The following CD163L1 variants were observed in gnomAD, a reference collection of about 807,000 sequenced individuals.
CD163L1 encodes the protein CD163 molecule like 1.
CD163L1 carries 124 observed loss-of-function variants against 165.4 expected under a neutral mutation model. The ratio of observed to expected loss-of-function variants is 0.75; its 90% confidence interval spans 0.65 to 0.87. CD163L1 has a LOEUF of 0.87. CD163L1 is among the 40% of genes least tolerant of loss of function. The pLI, the probability that CD163L1 is intolerant of heterozygous loss-of-function variation, is 0.00. For synonymous variants in CD163L1, 585 were observed against 662.2 expected (o/e 0.88, Z 1.79); for missense variants, 1,525 against 1,799.9 (o/e 0.85, Z 2.76).
the CD163L1 span, among the ~76,000 whole-genome samples, chr12:7,335,593 C>T: frequency 6.6e-6 from 1 of 152,270 alleles, no homozygotes; most frequent in Non-Finnish European, 1.5e-5. Context: ...AGGACATAGG[C>T]ATGGGCAAGG....
the CD163L1 span, among the ~76,000 whole-genome samples, chr12:7,327,914 C>T: frequency 6.6e-6 from 1 of 152,080 alleles, no homozygotes; most frequent in Non-Finnish European, 1.5e-5. Flanking sequence ...AAATCTTCCT[C>T]AAAACCTCCA....
intron 9 of CD163L1, among the ~76,000 whole-genome samples, chr12:7,376,591 A>T (rs1947276293): frequency 6.6e-6 from 1 of 152,174 alleles, no homozygotes; most frequent in African/African-American, 2.4e-5. Flanking sequence ...CTCAATGTGA[A>T]TTCTTTGGAG....
Position 7,396,294 on chromosome 12 carries a change from T to C in CD163L1, c.1851A>G (p.Ala617=). 6.2e-7 allele frequency: 1 copy of C among 1,614,170 alleles called. No homozygotes were observed. The highest frequency in any genetic ancestry group is 8.5e-7 in the Non-Finnish European group (1 of 1,180,020). The change falls in exon 8 of 20, where the codon GCA becomes GCG. Residue 617 remains alanine, a synonymous_variant. Transcript: ENST00000313599. The part of the protein sequence containing the change: ...VCDDGWNSKA[A]AVVCSQLDCP... ...AGTCCAGCTGGCTACACACCACAGC[T>C]GCAGCTTTACTGTTCCAGCCGTCAT...
chr12:7,439,205 G>C (rs1948780844), intron 2 of CD163L1: 1 of 1,580,686 alleles, frequency 6.3e-7, no homozygotes, highest in African/African-American at 1.4e-5. Flanking sequence ...ACTTGATTCA[G>C]ATTCCACCTG....
Position 7,396,085 on chromosome 12 carries a change from G to C in CD163L1, c.2050+10C>G. 7 of 1,590,190 alleles carry C rather than the reference G, an allele frequency of 4.4e-6. No individual in the cohort carries two copies. Among genetic ancestry groups the C allele is most frequent in the Non-Finnish European group, 6.0e-6 (7 of 1,164,734 alleles). On this transcript the variant is annotated intron_variant, in intron 8 of 19. Coordinates refer to ENST00000313599, the MANE Select transcript of CD163L1 (RefSeq NM_174941.6). ...TTTCTTTTAAGGAAGCCCTGGTTTG[G>C]GTATCTTACCAGAACAGATCACTCC...
chr12:7,420,996 C>CGT (rs1565808454), intron 4 of CD163L1, among the ~76,000 whole-genome samples: 40 of 122,828 alleles, frequency 3.3e-4, no homozygotes, highest in African/African-American at 1.3e-3. Flanking sequence ...TATATATATA[C>CGT]ATATATATAT....
the CD163L1 span, among the ~76,000 whole-genome samples, chr12:7,330,379 T>C: frequency 6.6e-6 from 1 of 152,356 alleles, no homozygotes; most frequent in Non-Finnish European, 1.5e-5. Flanking sequence ...TCAATATTCT[T>C]AATCTAGACA....
Position 7,375,693 on chromosome 12 carries a change from A to G in CD163L1, c.2686+7T>C, listed in dbSNP as rs768725232. On this transcript the variant is annotated splice_region_variant and intron_variant, in intron 10 of 19. Coordinates refer to ENST00000313599, the MANE Select transcript of CD163L1 (RefSeq NM_174941.6). ...CCCAGCCAATTAAGATTATTTAAAA[A>G]TCTCACGGGAACAGACAACTCCAAC... is the stretch of plus-strand genomic sequence containing the variant. The G allele has an allele frequency of 2.5e-6, 4 of 1,613,212 alleles. No homozygotes were observed. The East Asian group carries it at 6.7e-5, about 27-fold the overall frequency.
rs776272227 is a variant in CD163L1 at position 7,396,377 on chromosome 12, T to G, written c.1768A>C (p.Asn590His). The G allele has an allele frequency of 1.2e-6, 2 of 1,610,582 alleles. No homozygotes were observed. Among genetic ancestry groups the G allele is most frequent in the East Asian group, 4.5e-5 (2 of 44,726 alleles). The change falls in exon 8 of 20, where the codon AAC becomes CAC. Residue 590 changes from asparagine (N) to histidine (H), a missense_variant. Asn to His is a moderately conservative substitution (Grantham distance 68, BLOSUM62 1). Transcript: ENST00000313599. Reference protein sequence around the residue: ...TWGLRLVGGSNRCSGRLEVYF... With the variant: ...TWGLRLVGGSHRCSGRLEVYF... ...ACCTCCAGTCTTCCCGAGCAGCGGT[T>G]GCTGCCGCCCACCAGCCTCAGGCCC...
chr12:7,335,013 C>T, the CD163L1 span, among the ~76,000 whole-genome samples: 1 of 152,132 alleles, frequency 6.6e-6, no homozygotes, highest in South Asian at 2.1e-4. Context: ...AATGGAAGAA[C>T]ATTCCATGCT....
intron 11 of CD163L1, 147 bp downstream of exon 11, chr12:7,375,134 T>C (rs1947236676): frequency 1.5e-5 from 13 of 862,394 alleles, no homozygotes; most frequent in Non-Finnish European, 2.3e-5. Flanking sequence ...GTTATCATTA[T>C]TTCTTACATG....
chr12:7,393,100 C>T (rs1245951318), intron 8 of CD163L1, among the ~76,000 whole-genome samples: 6 of 152,122 alleles, frequency 3.9e-5, no homozygotes, highest in Admixed American at 2.0e-4. Context: ...GATACCAAAG[C>T]TTGGCAGAGA....
chr12:7,435,284 A>T (rs955482625), intron 2 of CD163L1, among the ~76,000 whole-genome samples: 1 of 151,916 alleles, frequency 6.6e-6, no homozygotes, highest in Non-Finnish European at 1.5e-5. Flanking sequence ...TTCAAAATAC[A>T]CTCTATAAAA....
Position 7,374,377 on chromosome 12 carries a change from G to C in CD163L1, c.3409+65C>G. ...ACACTTTTCACTACACTTTACAATT[G>C]TGTTGTGTGTGTGCAAGTGTGTGCA... is the stretch of plus-strand genomic sequence containing the variant. On this transcript the variant is annotated intron_variant, in intron 13 of 19. Coordinates refer to ENST00000313599, the MANE Select transcript of CD163L1 (RefSeq NM_174941.6). The surrounding 1 kb of genome is among the most constrained non-coding windows in gnomAD (Gnocchi z 5.4). 6.8e-7 allele frequency: 1 copy of C among 1,479,632 alleles called. No individual in the cohort carries two copies. Among genetic ancestry groups the C allele is most frequent in the Non-Finnish European group, 9.1e-7 (1 of 1,095,342 alleles). 91.7% of individuals were successfully genotyped at this position (1,479,632 alleles called of 1,614,324 possible). A position where few individuals can be genotyped will look rare whatever the true frequency, so the allele number is the denominator to read the frequency against.
In CD163L1 at chr12:7,426,326, C is replaced by T. The variant is rs76418853; in HGVS notation, c.766+6090G>A. Among the ~76,000 whole-genome samples the T allele has an allele frequency of 3.4e-3, 518 of 151,530 alleles. 1 individual carries two copies. The highest frequency in any genetic ancestry group is 0.012 in the African/African-American group (501 of 41,382). ...GGCAAGGGGAGGGAGAGCATTAGGACGAATACCTAATGCATGTGGGGCTTA... is the reference window on the plus strand; with the variant it reads ...GGCAAGGGGAGGGAGAGCATTAGGATGAATACCTAATGCATGTGGGGCTTA... On this transcript the variant is annotated intron_variant, in intron 4 of 19. Coordinates refer to ENST00000313599, the MANE Select transcript of CD163L1 (RefSeq NM_174941.6).
intron 8 of CD163L1, among the ~76,000 whole-genome samples, chr12:7,383,264 T>C (rs1027737570): frequency 3.9e-5 from 6 of 152,152 alleles, no homozygotes; most frequent in Admixed American, 6.5e-5. Context: ...AGACCTGCAC[T>C]GCTGGGTGCC....
chr12:7,340,227 T>G, the CD163L1 span, among the ~76,000 whole-genome samples: 1 of 152,148 alleles, frequency 6.6e-6, no homozygotes, highest in African/African-American at 2.4e-5. Context: ...TGTAAAAGGT[T>G]CTTGTGTTGC....
chr12:7,354,662 G>A (rs1348466247), downstream of CD163L1, among the ~76,000 whole-genome samples: 1 of 152,046 alleles, frequency 6.6e-6, no homozygotes, highest in Admixed American at 6.6e-5. Context: ...TTCCCTCACA[G>A]TTTGGGAAGT....
At chr12:7,349,320 A>G (rs1469699748) in intron 4 of CD163L1, among the ~76,000 whole-genome samples, 2 of 152,230 alleles carry the variant, frequency 1.3e-5, no homozygotes, top group East Asian at 3.8e-4. Flanking sequence ...TCACATTTCA[A>G]ATTCTCAAAT....
Sources: allele counts gnomAD v4.1 joint callset (sites outside exome capture counted in the v4.1 genomes callset), GRCh38; gene constraint gnomAD v4.1.1; non-coding constraint Gnocchi (gnomAD v3.1); transcripts MANE v1.5; gene names NCBI Gene and HGNC (gene_info 2026-07-23, HGNC 2026-07-21).